GRID2: variants seen among roughly 807,000 people sequenced by gnomAD.
GRID2 encodes glutamate ionotropic receptor delta type subunit 2.
In GRID2, 33 loss-of-function variants were observed where a neutral mutation model predicts 114.8. The observed-to-expected ratio is 0.29, with a 90% confidence interval of 0.22 to 0.38. The LOEUF (loss-of-function observed/expected upper bound fraction) is 0.38, where lower values mean the gene tolerates loss of function less well. GRID2 is among the 10% of genes least tolerant of loss of function. The probability of loss-of-function intolerance (pLI) is 1.00; values close to 1 mark genes in which losing one functional copy is unlikely to be tolerated. For missense variants in GRID2, 1,184 were observed against 1,257.7 expected (o/e 0.94, Z 0.89); for synonymous variants, 505 against 449.9 (o/e 1.12, Z -1.55).
chr4:93,306,562 T>C (rs981005035), intron 8 of GRID2, among the ~76,000 whole-genome samples: 9 of 152,166 alleles, frequency 5.9e-5, no homozygotes, highest in Admixed American at 5.2e-4. Flanking sequence ...GGTAGGGGTA[T>C]TGAGATGAAA....
At chr4:93,751,440 C>A (rs574441064) in intron 14 of GRID2, among the ~76,000 whole-genome samples, 1 of 152,038 alleles carries the variant, frequency 6.6e-6, no homozygotes, top group South Asian at 2.1e-4. Context: ...CTCATTTTTC[C>A]ACATCAAATT....
At chr4:92,765,984 T>G (rs1354559909) in intron 2 of GRID2, among the ~76,000 whole-genome samples, 3 of 152,136 alleles carry the variant, frequency 2.0e-5, no homozygotes, top group African/African-American at 7.2e-5. Flanking sequence ...GACCTAGAAA[T>G]AGACTGACTT....
chr4:92,798,638 A>G (rs774568366), intron 2 of GRID2, among the ~76,000 whole-genome samples: 1 of 151,916 alleles, frequency 6.6e-6, no homozygotes, highest in Non-Finnish European at 1.5e-5. Context: ...ATTAGGAGTA[A>G]CTCTCTGAAG....
At position 92,387,155 on chromosome 4, in the gene GRID2, C is replaced by T. The variant is rs531276246; in HGVS notation, c.88+82411C>T. 9.9e-5 allele frequency among the ~76,000 whole-genome samples: 15 copies of T among 151,634 alleles called. No individual in the cohort carries two copies. The South Asian group carries it at 2.9e-3, about 29-fold the overall frequency. On this transcript the variant is annotated intron_variant, in intron 1 of 15. Transcript: ENST00000282020. ...TATACTAATGTAATTCATGTAAAAC[C>T]TTATATACTCAAAAAGTAAGGAATT...
intron 2 of GRID2, among the ~76,000 whole-genome samples, chr4:92,661,258 T>C (rs1021892420): frequency 6.6e-6 from 1 of 151,052 alleles, no homozygotes; most frequent in African/African-American, 2.4e-5. Flanking sequence ...ACAAAAGTTA[T>C]ATCTAATTAT....
chr4:93,131,445 C>A (rs142601942), intron 4 of GRID2, among the ~76,000 whole-genome samples: 204 of 151,814 alleles, frequency 1.3e-3, no homozygotes, highest in Non-Finnish European at 2.1e-3. Context: ...AGCCACCACG[C>A]CTGCCCAATT....
intron 13 of GRID2, among the ~76,000 whole-genome samples, chr4:93,544,607 G>A (rs1388865170): frequency 6.6e-5 from 10 of 151,442 alleles, no homozygotes; most frequent in South Asian, 2.1e-4. Context: ...GAGAAACCCC[G>A]TCTCTACTAA....
intron 10 of GRID2, among the ~76,000 whole-genome samples, chr4:93,430,777 GGTAGA>G (rs968392519): frequency 1.3e-5 from 2 of 152,184 alleles, no homozygotes; most frequent in Admixed American, 6.5e-5. Context: ...CAACAAGGAA[GGTAGA>G]GTAAAGGTAA....
intron 2 of GRID2, among the ~76,000 whole-genome samples, chr4:92,631,060 C>G (rs546142066): frequency 6.6e-6 from 1 of 151,536 alleles, no homozygotes; most frequent in Non-Finnish European, 1.5e-5. Context: ...CTGTTCTTCT[C>G]TTTTTTTCCT....
chr4:92,462,106 G>C (rs534000870), intron 1 of GRID2, among the ~76,000 whole-genome samples: 1 of 151,934 alleles, frequency 6.6e-6, no homozygotes, highest in African/African-American at 2.4e-5. Context: ...CTTCCTTTAG[G>C]GCACCTGGCC....
intron 3 of GRID2, among the ~76,000 whole-genome samples, chr4:93,102,630 A>G (rs1731811037): frequency 1.3e-5 from 2 of 151,920 alleles, no homozygotes; most frequent in Non-Finnish European, 2.9e-5. Flanking sequence ...TGCAACCTAG[A>G]GAGTTGGGCA....
intron 1 of GRID2, among the ~76,000 whole-genome samples, chr4:92,366,691 ACCT>A (rs1178828142): frequency 1.3e-5 from 2 of 152,014 alleles, no homozygotes; most frequent in Non-Finnish European, 2.9e-5. Context: ...TGGATAAAAG[ACCT>A]AAAGGTAAGA....
chr4:93,745,443 G>C (rs1731762482), intron 14 of GRID2, among the ~76,000 whole-genome samples: 1 of 152,104 alleles, frequency 6.6e-6, no homozygotes, highest in Admixed American at 6.6e-5. Flanking sequence ...AGCAGAGGCT[G>C]ATGCACATTT....
At chr4:93,359,798 A>G (rs1761708694) in intron 8 of GRID2, among the ~76,000 whole-genome samples, 1 of 136,556 alleles carries the variant, frequency 7.3e-6, no homozygotes, top group Admixed American at 7.3e-5. Flanking sequence ...CTAAGCGAAT[A>G]CCATAGCCAA....
chr4:92,845,752 T>A (rs956314717), intron 2 of GRID2, among the ~76,000 whole-genome samples: 6 of 152,122 alleles, frequency 3.9e-5, no homozygotes, highest in Non-Finnish European at 8.8e-5. Flanking sequence ...GACCTCTTTA[T>A]ATTCTTCCAA....
intron 1 of GRID2, among the ~76,000 whole-genome samples, chr4:92,398,420 C>A (rs1402244654): frequency 6.6e-6 from 1 of 152,090 alleles, no homozygotes; most frequent in African/African-American, 2.4e-5. Context: ...CCTGCCTCGG[C>A]CTCCAGAGTA....
At chr4:92,628,478 C>T (rs898910557) in intron 2 of GRID2, among the ~76,000 whole-genome samples, 2 of 152,124 alleles carry the variant, frequency 1.3e-5, no homozygotes, top group African/African-American at 4.8e-5. Context: ...CCTGCCTCAG[C>T]CTCCCGAGTA....
At chr4:92,539,384 A>C (rs1186650272) in intron 1 of GRID2, among the ~76,000 whole-genome samples, 4 of 152,110 alleles carry the variant, frequency 2.6e-5, no homozygotes, top group Non-Finnish European at 5.9e-5. Flanking sequence ...AATGAGTAAA[A>C]CATAGCATTT....
At chr4:93,310,686 G>A (rs1755920239) in intron 8 of GRID2, among the ~76,000 whole-genome samples, 1 of 152,132 alleles carries the variant, frequency 6.6e-6, no homozygotes. Flanking sequence ...AAATGTATTG[G>A]AACCTAATTG....
Sources: gnomAD v4.1 joint callset for allele counts (sites outside exome capture counted in the v4.1 genomes callset) on GRCh38, gnomAD v4.1.1 for gene constraint, MANE v1.5 for transcripts, NCBI Gene and HGNC (gene_info 2026-07-23, HGNC 2026-07-21) for gene names.